Variants in RIMKLB observed in about 807,000 individuals in gnomAD.
The protein encoded by RIMKLB is beta-citrylglutamate synthase B.
Under a neutral mutation model 32.0 loss-of-function variants are expected in RIMKLB, and 7 were observed. The ratio of observed to expected loss-of-function variants is 0.22; its 90% CI spans 0.12 to 0.41. The LOEUF is 0.41. Ranked by LOEUF, RIMKLB falls within the 10% of genes least tolerant of loss-of-function variation. The pLI, the probability that RIMKLB is intolerant of heterozygous loss-of-function variation, is 1.00. For missense variants in RIMKLB, 289 were observed against 498.7 expected, an observed-to-expected ratio of 0.58 and a Z score of 4.00; for synonymous variants, 172 against 185.1, an observed-to-expected ratio of 0.93 and a Z score of 0.57.
At chr12:8,771,125 C>T (rs1031503820) in intron 5 of RIMKLB, among the ~76,000 whole-genome samples, 2 of 151,968 alleles carry the variant, frequency 1.3e-5, no homozygotes, top group African/African-American at 2.4e-5. Flanking sequence ...TTTTGATATC[C>T]AATTGGATAG....
chr12:8,697,977 G>A (rs1203418161), upstream of RIMKLB: 2 of 159,612 alleles, frequency 1.3e-5, no homozygotes, highest in Non-Finnish European at 2.8e-5. Flanking sequence ...GTGTGAGCGG[G>A]GTCGCGCGCG....
chr12:8,727,355 T>G (rs1026558327), intron 2 of RIMKLB, among the ~76,000 whole-genome samples: 1 of 152,132 alleles, frequency 6.6e-6, no homozygotes, highest in Admixed American at 6.5e-5. Flanking sequence ...TTGCCTCAGC[T>G]TCCCAAGTAG....
At chr12:8,733,772 A>G (rs1946754130) in intron 2 of RIMKLB, among the ~76,000 whole-genome samples, 1 of 152,184 alleles carries the variant, frequency 6.6e-6, no homozygotes, top group African/African-American at 2.4e-5. Flanking sequence ...AGTCCTAGCT[A>G]CTCGGAGAGG....
intron 2 of RIMKLB, among the ~76,000 whole-genome samples, chr12:8,741,652 T>C (rs1399166415): frequency 6.7e-6 from 1 of 149,930 alleles, no homozygotes; most frequent in African/African-American, 2.5e-5. Flanking sequence ...TGATGGCGGG[T>C]GCCTGTAGTC....
At chr12:8,714,068 T>A in intron 2 of RIMKLB, 27 bp downstream of exon 2, 2 of 1,600,686 alleles carry the variant, frequency 1.2e-6, no homozygotes, top group Non-Finnish European at 1.7e-6. Context: ...AGTGATCTTT[T>A]GGATTTTTAC....
intron 7 of RIMKLB, among the ~76,000 whole-genome samples, chr12:8,782,688 C>CATT (rs747692549): frequency 2.9e-4 from 44 of 152,068 alleles, no homozygotes; most frequent in Admixed American, 4.6e-4. Context: ...ATGATAAGAA[C>CATT]ATTAAATGTC....
chr12:8,743,531 T>G (rs1947783288), intron 2 of RIMKLB, among the ~76,000 whole-genome samples: 1 of 142,466 alleles, frequency 7.0e-6, no homozygotes, highest in African/African-American at 3.1e-5. Context: ...AACTGTCCAC[T>G]AGTACTTACT....
chr12:8,781,744 C>G (rs982692276), downstream of RIMKLB, among the ~76,000 whole-genome samples: 7 of 152,196 alleles, frequency 4.6e-5, no homozygotes, highest in Non-Finnish European at 8.8e-5. Flanking sequence ...TCCTCCCTCT[C>G]TCCCCACTTT....
At chr12:8,756,184 C>T (rs980117020) in intron 5 of RIMKLB, among the ~76,000 whole-genome samples, 1 of 150,992 alleles carries the variant, frequency 6.6e-6, no homozygotes, top group Non-Finnish European at 1.5e-5. Flanking sequence ...AGCTGGGCAT[C>T]ATGGCATGCA....
At chr12:8,669,319 G>C in the RIMKLB span, among the ~76,000 whole-genome samples, 2 of 152,148 alleles carry the variant, frequency 1.3e-5, no homozygotes, top group Non-Finnish European at 2.9e-5. Flanking sequence ...AGCCATTTAT[G>C]AGGGATCTCA....
the RIMKLB span, chr12:8,668,848 T>C: frequency 1.3e-5 from 2 of 152,198 alleles, no homozygotes; most frequent in Admixed American, 1.3e-4. Flanking sequence ...AGCTAAGTCA[T>C]GTTTGGATTA....
intron 5 of RIMKLB, among the ~76,000 whole-genome samples, chr12:8,760,588 C>T (rs1346170870): frequency 2.0e-5 from 3 of 152,246 alleles, no homozygotes; most frequent in Admixed American, 6.5e-5. Flanking sequence ...TATTTCTCCA[C>T]GTCCTCTCCA....
At chr12:8,717,057 CT>C (rs558195222) in intron 2 of RIMKLB, among the ~76,000 whole-genome samples, 3,307 of 124,942 alleles carry the variant, frequency 0.026, 109 homozygotes, top group African/African-American at 0.089. Context: ...GAGGGTTTTT[CT>C]TTTTTTTTTT....
chr12:8,668,719 C>T, the RIMKLB span: 2 of 152,180 alleles, frequency 1.3e-5, no homozygotes, highest in Admixed American at 6.6e-5. Context: ...CAAGGCCTGC[C>T]AAAAGCCACG....
At chr12:8,754,159 A>G in intron 5 of RIMKLB, 66 bp downstream of exon 5, 2 of 1,199,544 alleles carry the variant, frequency 1.7e-6, no homozygotes, top group East Asian at 2.3e-5. Flanking sequence ...GTGAGTATTC[A>G]TATGTATGTA....
intron 5 of RIMKLB, among the ~76,000 whole-genome samples, chr12:8,757,995 TA>T (rs956436095): frequency 1.3e-5 from 2 of 151,858 alleles, no homozygotes; most frequent in Non-Finnish European, 2.9e-5. Flanking sequence ...GGGGTCTCGC[TA>T]TATTGCCCAG....
At chr12:8,719,676 G>A (rs2137063670) in intron 2 of RIMKLB, among the ~76,000 whole-genome samples, 1 of 152,188 alleles carries the variant, frequency 6.6e-6, no homozygotes, top group Middle Eastern at 3.4e-3. Context: ...GCCTAAGCTG[G>A]GTTTTTTGTC....
intron 1 of RIMKLB, among the ~76,000 whole-genome samples, chr12:8,702,469 A>T (rs1459264258): frequency 6.6e-6 from 1 of 152,216 alleles, no homozygotes; most frequent in African/African-American, 2.4e-5. Context: ...AAATGCTTTT[A>T]TTCTGTATTC....
intron 1 of RIMKLB, among the ~76,000 whole-genome samples, chr12:8,698,765 G>T (rs1395424188): frequency 1.3e-5 from 2 of 151,780 alleles, no homozygotes; most frequent in Non-Finnish European, 2.9e-5. Context: ...ACGTGGTGCG[G>T]TCCCGCAGCT....
Sources: allele counts gnomAD v4.1 joint callset (sites outside exome capture counted in the v4.1 genomes callset), GRCh38; gene constraint gnomAD v4.1.1; transcripts MANE v1.5; gene names NCBI Gene and HGNC (gene_info 2026-07-23, HGNC 2026-07-21).